The following RBFOX1 variants were observed in gnomAD, a reference collection of about 807,000 sequenced individuals.
RBFOX1 encodes RNA binding fox-1 homolog 1.
In RBFOX1, 8 loss-of-function variants were observed where a neutral mutation model predicts 57.7. The ratio of observed to expected loss-of-function variants is 0.14; its 90% CI spans 0.08 to 0.25. The LOEUF (loss-of-function observed/expected upper bound fraction) is 0.25, where lower values mean the gene tolerates loss of function less well. Ranked by LOEUF, RBFOX1 falls within the 10% of genes least tolerant of loss-of-function variation. RBFOX1 has a pLI of 1.00. For missense variants in RBFOX1, 611 were observed against 548.5 expected (o/e 1.11, Z -1.14); for synonymous variants, 326 against 222.4 (o/e 1.47, Z -4.15).
At chr16:6,333,794 T>A (rs2083316202) in intron 2 of RBFOX1, among the ~76,000 whole-genome samples, 1 of 152,224 alleles carries the variant, frequency 6.6e-6, no homozygotes, top group African/African-American at 2.4e-5. Context: ...TCTACAAAGA[T>A]ACTTGTCATC....
intron 2 of RBFOX1, among the ~76,000 whole-genome samples, chr16:6,510,678 C>G (rs1280926221): frequency 5.3e-5 from 8 of 152,090 alleles, no homozygotes; most frequent in African/African-American, 1.7e-4. Flanking sequence ...GTTGGTTACT[C>G]TACTGGGCAA....
chr16:7,683,634 C>T (rs1043329940), intron 14 of RBFOX1, among the ~76,000 whole-genome samples: 1 of 152,046 alleles, frequency 6.6e-6, no homozygotes, highest in Non-Finnish European at 1.5e-5. Context: ...TTGGTCATGT[C>T]ATGGCCTAAT....
chr16:6,207,785 T>C (rs997597922), intron 1 of RBFOX1, among the ~76,000 whole-genome samples: 4 of 152,100 alleles, frequency 2.6e-5, no homozygotes, highest in Non-Finnish European at 2.9e-5. Context: ...AGCCCTGGGC[T>C]CAGGGGATCC....
chr16:7,508,127 C>A (rs985602432), intron 4 of RBFOX1, among the ~76,000 whole-genome samples: 1 of 152,100 alleles, frequency 6.6e-6, no homozygotes, highest in African/African-American at 2.4e-5. Flanking sequence ...GCTGGGATTA[C>A]AGGCACCTGC....
Position 7,711,728 on chromosome 16 carries a change from G to A in RBFOX1, c.*983G>A, listed in dbSNP as rs1245250362. 6.6e-5 allele frequency: 10 copies of A among 152,548 alleles called. No individual in the cohort carries two copies. The highest frequency in any genetic ancestry group is 6.5e-4 in the Admixed American group (10 of 15,284). The allele number at this position is 152,548 out of a possible 1,614,324, so 9.4% of individuals were successfully genotyped here. A position where few individuals can be genotyped will look rare whatever the true frequency, so the allele number is the denominator to read the frequency against. On this transcript the variant is annotated 3_prime_UTR_variant, in exon 16 of 16. Coordinates refer to ENST00000550418, the MANE Select transcript of RBFOX1 (RefSeq NM_018723.4). ...TCTAGAAACAGTCTATGAAGCTTTA[G>A]TTTTAGCCTAGTAGAACAACTGTTA...
chr16:5,496,908 A>G (rs1331887043), intron 2 of RBFOX1, among the ~76,000 whole-genome samples: 1 of 152,228 alleles, frequency 6.6e-6, no homozygotes, highest in Non-Finnish European at 1.5e-5. Context: ...TTGATTTTCC[A>G]TGAGTAATAA....
chr16:7,197,455 A>AC (rs2152693029), intron 4 of RBFOX1, among the ~76,000 whole-genome samples: 1 of 151,920 alleles, frequency 6.6e-6, no homozygotes, highest in South Asian at 2.1e-4. Flanking sequence ...AAAAAAAAAA[A>AC]AAAAAAACAT....
chr16:6,267,992 G>A (rs2074737743), intron 1 of RBFOX1, among the ~76,000 whole-genome samples: 1 of 152,150 alleles, frequency 6.6e-6, no homozygotes. Flanking sequence ...GAAACACAAG[G>A]AAGCTATGAC....
intron 2 of RBFOX1, among the ~76,000 whole-genome samples, chr16:6,557,848 G>A (rs115331770): frequency 6.6e-6 from 1 of 152,060 alleles, no homozygotes; most frequent in Non-Finnish European, 1.5e-5. Flanking sequence ...CTAATTTATT[G>A]GTCATTTTAA....
intron 4 of RBFOX1, among the ~76,000 whole-genome samples, chr16:5,948,854 G>C (rs2059458781): frequency 6.6e-6 from 1 of 152,118 alleles, no homozygotes; most frequent in East Asian, 1.9e-4. Flanking sequence ...ACACTAGTAG[G>C]TCCTATCACA....
chr16:7,006,646 C>G (rs1196273595), intron 3 of RBFOX1, among the ~76,000 whole-genome samples: 2 of 152,214 alleles, frequency 1.3e-5, no homozygotes, highest in African/African-American at 4.8e-5. Context: ...CAAGGTCTCC[C>G]TGTGATGCTC....
In RBFOX1 at chr16:6,417,992, T is replaced by A. The variant is rs529762869; in HGVS notation, c.-64+100935T>A. Among the ~76,000 whole-genome samples, 15 of 151,860 alleles carry A rather than the reference T, an allele frequency of 9.9e-5. No homozygotes were observed. In the East Asian group the frequency reaches 2.5e-3, roughly 26 times the overall value. ...AGAAATTATTTTCTGAAAGAATGAATGAATGAATGATCAAGATCAAATAAG... is the reference window on the plus strand; with the variant it reads ...AGAAATTATTTTCTGAAAGAATGAAAGAATGAATGATCAAGATCAAATAAG... On this transcript the variant is annotated intron_variant, in intron 2 of 15. Coordinates refer to ENST00000550418, the MANE Select transcript of RBFOX1 (RefSeq NM_018723.4).
intron 1 of RBFOX1, among the ~76,000 whole-genome samples, chr16:6,076,359 C>A (rs1349425778): frequency 6.6e-6 from 1 of 151,776 alleles, no homozygotes; most frequent in African/African-American, 2.4e-5. Context: ...CACACACACA[C>A]ACCCCACCTC....
At chr16:5,502,196 G>A (rs2043221363) in intron 2 of RBFOX1, among the ~76,000 whole-genome samples, 1 of 152,180 alleles carries the variant, frequency 6.6e-6, no homozygotes, top group Non-Finnish European at 1.5e-5. Flanking sequence ...GAGATGGCAT[G>A]GAGGCAGCAG....
At chr16:6,514,427 A>G (rs1352752734) in intron 2 of RBFOX1, among the ~76,000 whole-genome samples, 1 of 152,168 alleles carries the variant, frequency 6.6e-6, no homozygotes, top group Non-Finnish European at 1.5e-5. Context: ...TGCTCCTTTA[A>G]GTGCCAGGTT....
At chr16:6,015,497 C>A (rs1248989655), upstream of RBFOX1, among the ~76,000 whole-genome samples, 1 of 152,182 alleles carries the variant, frequency 6.6e-6, no homozygotes, top group African/African-American at 2.4e-5. Flanking sequence ...CCTTACAAAT[C>A]ATTTCAGAGC....
At chr16:7,634,996 G>A (rs991148437) in intron 11 of RBFOX1, among the ~76,000 whole-genome samples, 2 of 152,178 alleles carry the variant, frequency 1.3e-5, no homozygotes, top group Non-Finnish European at 2.9e-5. Context: ...AAATGGGCAG[G>A]GCTGCTTGGT....
chr16:6,200,334 A>C (rs1345141396), intron 1 of RBFOX1, among the ~76,000 whole-genome samples: 1 of 152,138 alleles, frequency 6.6e-6, no homozygotes, highest in Non-Finnish European at 1.5e-5. Context: ...ATGCCCCGAA[A>C]GAGAGCAGTT....
At chr16:6,312,033 C>T (rs997801661) in intron 1 of RBFOX1, among the ~76,000 whole-genome samples, 3 of 152,206 alleles carry the variant, frequency 2.0e-5, no homozygotes, top group African/African-American at 7.2e-5. Flanking sequence ...ATCATAATCC[C>T]TGATGTGATC....
Sources: gnomAD v4.1 joint callset for allele counts (sites outside exome capture counted in the v4.1 genomes callset) on GRCh38, gnomAD v4.1.1 for gene constraint, MANE v1.5 for transcripts, NCBI Gene and HGNC (gene_info 2026-07-23, HGNC 2026-07-21) for gene names.